SLC10A7: variants seen among roughly 807,000 people sequenced by gnomAD.
SLC10A7 encodes the protein solute carrier family 10 member 7, also known as sodium/bile acid cotransporter 7.
Under a neutral mutation model 43.2 loss-of-function variants are expected in SLC10A7, and 29 were observed. The observed-to-expected ratio is 0.67, with a 90% CI of 0.50 to 0.92. The LOEUF (loss-of-function observed/expected upper bound fraction) is 0.92. Ranked by LOEUF, SLC10A7 falls within the 40% of genes least tolerant of loss-of-function variation. SLC10A7 has a pLI of 0.00. For synonymous variants in SLC10A7, 152 were observed against 144.8 expected, an observed-to-expected ratio of 1.05 and a Z score of -0.35; for missense variants, 295 against 403.2, an observed-to-expected ratio of 0.73 and a Z score of 2.30.
chr4:146,421,189 G>C (rs1247388248), intron 5 of SLC10A7, among the ~76,000 whole-genome samples: 1 of 152,080 alleles, frequency 6.6e-6, no homozygotes, highest in Non-Finnish European at 1.5e-5. Flanking sequence ...AGTACTCCTA[G>C]TTAGGTATCC....
At chr4:146,521,236 G>A (rs562489551) in intron 1 of SLC10A7, among the ~76,000 whole-genome samples, 2 of 151,734 alleles carry the variant, frequency 1.3e-5, no homozygotes, top group Non-Finnish European at 2.9e-5. Context: ...GGGCGGGGAG[G>A]ACTCGAAAGT....
intron 9 of SLC10A7, 128 bp downstream of exon 9, chr4:146,292,801 A>G (rs1331564427): frequency 3.2e-6 from 2 of 616,458 alleles, no homozygotes; most frequent in Non-Finnish European, 5.5e-6. Context: ...CAGAATGGTC[A>G]GGGAGACAGG....
At chr4:146,456,764 A>G (rs1037649473) in intron 4 of SLC10A7, among the ~76,000 whole-genome samples, 7 of 151,830 alleles carry the variant, frequency 4.6e-5, no homozygotes, top group African/African-American at 1.5e-4. Flanking sequence ...ATTGAATTCA[A>G]TCTCCAGCCC....
At chr4:146,268,134 G>A (rs770125127) in intron 10 of SLC10A7, among the ~76,000 whole-genome samples, 38 of 152,174 alleles carry the variant, frequency 2.5e-4, no homozygotes, top group Admixed American at 2.0e-3. Context: ...CTTTCCTGTC[G>A]AGCCTTCCTA....
chr4:146,521,734 G>A lies in SLC10A7; in HGVS notation c.-17C>T. On this transcript the variant is annotated 5_prime_UTR_variant, in exon 1 of 12. Transcript: ENST00000335472. ...CAGCCTCATATTTGTTAGGGTGGGT[G>A]GGTTTTGTTTATTTGTTTGGCTTTT... 1 of 1,605,084 alleles carries A rather than the reference G, an allele frequency of 6.2e-7. No individual in the cohort carries two copies.
Position 146,350,713 on chromosome 4 carries a change from GT to G in SLC10A7, c.436-24718del, listed in dbSNP as rs1250685706. On this transcript the variant is annotated intron_variant, in intron 5 of 11. Coordinates refer to ENST00000335472, the MANE Select transcript of SLC10A7 (RefSeq NM_001029998.6). ...AACTGGCAGACTGCCTCCTCAAGTG[GT>G]TCCCTGACCCCTGACCCCCGAGCAG... 3.0e-4 allele frequency among the ~76,000 whole-genome samples: 23 copies of G among 76,260 alleles called. 4 individuals carry two copies. The highest frequency in any genetic ancestry group is 5.1e-4 in the South Asian group (1 of 1,958). The allele number at this position is 76,260 out of a possible 152,430, so 50.0% of individuals were successfully genotyped here. A position where few individuals can be genotyped will look rare whatever the true frequency, so the allele number is the denominator to read the frequency against.
chr4:146,273,330 C>T (rs1420951570), intron 10 of SLC10A7, among the ~76,000 whole-genome samples: 6 of 152,132 alleles, frequency 3.9e-5, no homozygotes, highest in East Asian at 3.9e-4. Flanking sequence ...ATAGCTAACA[C>T]GCCACTCATA....
At chr4:146,307,994 G>A (rs78548970) in intron 6 of SLC10A7, among the ~76,000 whole-genome samples, 9,628 of 152,180 alleles carry the variant, frequency 0.063, 396 homozygotes, top group South Asian at 0.17. Flanking sequence ...TTTGGAAACC[G>A]CGTGTTCTTA....
chr4:146,260,921 AAT>A (rs536110237), intron 10 of SLC10A7, among the ~76,000 whole-genome samples: 81 of 152,304 alleles, frequency 5.3e-4, no homozygotes, highest in Non-Finnish European at 9.7e-4. Flanking sequence ...TGTGATTTCA[AAT>A]ATGTCAAAAG....
intron 8 of SLC10A7, among the ~76,000 whole-genome samples, chr4:146,293,262 G>T (rs1402995018): frequency 6.6e-6 from 1 of 152,056 alleles, no homozygotes; most frequent in Non-Finnish European, 1.5e-5. Context: ...AGAAAGAGCT[G>T]GTTTATACTA....
intron 10 of SLC10A7, among the ~76,000 whole-genome samples, chr4:146,276,642 A>G (rs1375508252): frequency 6.6e-6 from 1 of 152,172 alleles, no homozygotes; most frequent in East Asian, 1.9e-4. Context: ...ACATGGTATC[A>G]GAAATTTGGG....
intron 5 of SLC10A7, among the ~76,000 whole-genome samples, chr4:146,377,047 G>A (rs1241580239): frequency 6.6e-6 from 1 of 151,938 alleles, no homozygotes; most frequent in African/African-American, 2.4e-5. Context: ...GCATGCCAGG[G>A]CAAATATTTA....
At chr4:146,305,812 T>C in intron 7 of SLC10A7, 114 bp downstream of exon 7, 2 of 898,556 alleles carry the variant, frequency 2.2e-6, no homozygotes, top group Non-Finnish European at 3.3e-6. Context: ...TTTAGTCTCA[T>C]ATTTTCATTT....
intron 10 of SLC10A7, among the ~76,000 whole-genome samples, chr4:146,276,302 G>C (rs1398314036): frequency 6.6e-6 from 1 of 152,106 alleles, no homozygotes; most frequent in Non-Finnish European, 1.5e-5. Flanking sequence ...TTCTGATAAA[G>C]TTGTGGCTGA....
intron 4 of SLC10A7, among the ~76,000 whole-genome samples, chr4:146,479,522 G>A (rs549003574): frequency 6.6e-6 from 1 of 152,242 alleles, no homozygotes; most frequent in African/African-American, 2.4e-5. Context: ...GTTATAATGG[G>A]ACAATATTGT....
Position 146,313,968 on chromosome 4 carries a change from A to G in SLC10A7, c.472-7959T>C, listed in dbSNP as rs559478092. 7.9e-5 allele frequency among the ~76,000 whole-genome samples: 12 copies of G among 152,264 alleles called. No homozygotes were observed. The Middle Eastern group carries it at 0.01, about 129-fold the overall frequency. On this transcript the variant is annotated intron_variant, in intron 6 of 11. Transcript: ENST00000335472. ...TATTACTTAGGATATAATGTTCAAGAAAAAGTAATTGTGTGCTGATAATAT... is the reference window on the plus strand; with the variant it reads ...TATTACTTAGGATATAATGTTCAAGGAAAAGTAATTGTGTGCTGATAATAT...
chr4:146,369,531 T>C (rs146413133), intron 5 of SLC10A7, among the ~76,000 whole-genome samples: 22 of 152,294 alleles, frequency 1.4e-4, no homozygotes, highest in Non-Finnish European at 2.4e-4. Context: ...TTACTGGTGA[T>C]ATTGACTGGT....
intron 4 of SLC10A7, among the ~76,000 whole-genome samples, chr4:146,490,592 T>C (rs889400090): frequency 2.0e-5 from 3 of 152,200 alleles, no homozygotes; most frequent in African/African-American, 7.2e-5. Context: ...TATAGTGAGA[T>C]TGAACTTCAT....
Position 146,505,735 on chromosome 4 carries a change from G to A in SLC10A7, c.321-1811C>T, listed in dbSNP as rs139199306. Among the ~76,000 whole-genome samples, 467 of 152,150 alleles carry A rather than the reference G, an allele frequency of 3.1e-3. 4 individuals carry two copies. Among genetic ancestry groups the A allele is most frequent in the Middle Eastern group, 0.014 (4 of 294 alleles). On this transcript the variant is annotated intron_variant, in intron 3 of 11. Coordinates refer to ENST00000335472, the MANE Select transcript of SLC10A7 (RefSeq NM_001029998.6). Reference sequence around the variant, plus strand: ...TGTTTTACAAAGAGCTACTAGAGTCGTCTGTCCTATTATAAATTCCCAATC... The same window carrying A: ...TGTTTTACAAAGAGCTACTAGAGTCATCTGTCCTATTATAAATTCCCAATC...
Sources: allele counts gnomAD v4.1 joint callset (sites outside exome capture counted in the v4.1 genomes callset), GRCh38; gene constraint gnomAD v4.1.1; transcripts MANE v1.5; gene names NCBI Gene and HGNC (gene_info 2026-07-23, HGNC 2026-07-21).